The following MAD2L2 variants were observed in gnomAD, a reference collection of about 807,000 sequenced individuals.
MAD2L2 encodes mitotic arrest deficient 2 like 2, also known as mitotic spindle assembly checkpoint protein MAD2B.
MAD2L2 carries 17 observed loss-of-function variants against 30.5 expected under a neutral mutation model. That is an observed-to-expected ratio of 0.56 (90% CI 0.38 to 0.84). The LOEUF (loss-of-function observed/expected upper bound fraction) is 0.84, where lower values mean the gene tolerates loss of function less well. MAD2L2 is among the 40% of genes least tolerant of loss of function. MAD2L2 has a pLI of 0.00. For missense variants in MAD2L2, 213 were observed against 277.4 expected, an observed-to-expected ratio of 0.77 and a Z score of 1.65; for synonymous variants, 101 against 113.9, an observed-to-expected ratio of 0.89 and a Z score of 0.72.
rs1173410454 is a variant in MAD2L2 at position 11,688,358 on chromosome 1, G to A, written c.-692+3055C>T. Among the ~76,000 whole-genome samples the A allele has an allele frequency of 2.6e-5, 4 of 152,104 alleles. No homozygotes were observed. The highest frequency in any genetic ancestry group is 1.9e-4 in the East Asian group (1 of 5,188). ...GCGAATCACCTGAGGTCAGGATATC[G>A]AGACCATCCTGGCTAACATGGGGAA... On this transcript the variant is annotated intron_variant, in intron 1 of 10. Transcript: ENST00000235310. This position sits in a 1 kb window ranked among gnomAD's most constrained non-coding sequence, Gnocchi z 4.6.
Position 11,687,353 on chromosome 1 carries a change from C to T in MAD2L2, c.-692+4060G>A, listed in dbSNP as rs954272409. ...CTCCCCGATTCAAGCGATTCTCCTGCCTCAGCCTCCCGAGTAGCTGGGACT... is the reference window on the plus strand; with the variant it reads ...CTCCCCGATTCAAGCGATTCTCCTGTCTCAGCCTCCCGAGTAGCTGGGACT... On this transcript the variant is annotated intron_variant, in intron 1 of 10. Transcript: ENST00000235310. This position sits in a 1 kb window ranked among gnomAD's most constrained non-coding sequence, Gnocchi z 4.1. Among the ~76,000 whole-genome samples, 6 of 152,220 alleles carry T rather than the reference C, an allele frequency of 3.9e-5. No individual in the cohort carries two copies. Among genetic ancestry groups the T allele is most frequent in the Admixed American group, 3.9e-4 (6 of 15,282 alleles).
upstream of MAD2L2, among the ~76,000 whole-genome samples, chr1:11,685,902 T>C (rs914831141): frequency 6.6e-6 from 1 of 152,130 alleles, no homozygotes; most frequent in East Asian, 1.9e-4. Flanking sequence ...CAGTGAGCCA[T>C]GTTTGTACCA....
chr1:11,677,999 G>A (rs1281435281), intron 3 of MAD2L2, among the ~76,000 whole-genome samples: 1 of 149,684 alleles, frequency 6.7e-6, no homozygotes, highest in Non-Finnish European at 1.5e-5. Context: ...GGAGGTTGCA[G>A]TGAGCCGAGA....
In MAD2L2 at chr1:11,675,085, T is replaced by C; in HGVS notation, c.591A>G (p.Leu197=). The change falls in exon 8 of 9, where the codon TTA becomes TTG. Residue 197 remains leucine, a synonymous_variant. Transcript: ENST00000376692. ...IPLKTMTSDI[L]KMQLYVEERA... The stretch of plus-strand genomic sequence containing the variant: ...CCCGGGTCCCCACGAAGCTCACCTT[T>C]AAAATGTCCGACGTCATGGTTTTTA... The C allele has an allele frequency of 6.3e-7, 1 of 1,589,560 alleles. No individual in the cohort carries two copies. The highest frequency in any genetic ancestry group is 8.6e-7 in the Non-Finnish European group (1 of 1,167,654).
At chr1:11,684,101 A>G (rs1034547236), upstream of MAD2L2, among the ~76,000 whole-genome samples, 1 of 150,856 alleles carries the variant, frequency 6.6e-6, no homozygotes, top group African/African-American at 2.4e-5. Flanking sequence ...AAAAGGCTTC[A>G]GTCTCATTAG....
intron 3 of MAD2L2, among the ~76,000 whole-genome samples, chr1:11,678,961 C>T (rs986484397): frequency 2.6e-5 from 4 of 152,166 alleles, no homozygotes; most frequent in South Asian, 4.1e-4. Context: ...GTCAGGAGAT[C>T]GAGACCAGCC....
At chr1:11,677,477 C>T (rs1640790153) in intron 4 of MAD2L2, 66 bp downstream of exon 4, 1 of 1,469,936 alleles carries the variant, frequency 6.8e-7, no homozygotes, top group African/African-American at 1.4e-5. Context: ...CAGAGTTGGA[C>T]TGTGAGCACA....
At chr1:11,676,287 A>G (rs1640767902) in intron 5 of MAD2L2, 147 bp from the exon 6 acceptor site, 1 of 598,632 alleles carries the variant, frequency 1.7e-6, no homozygotes, top group Non-Finnish European at 3.0e-6. Flanking sequence ...TATCCGGTCC[A>G]CACAATTAAA....
At chr1:11,680,011 TTG>T (rs1318372558) in intron 3 of MAD2L2, among the ~76,000 whole-genome samples, 1,344 of 128,910 alleles carry the variant, frequency 0.01, 10 homozygotes, top group Non-Finnish European at 0.017. Flanking sequence ...TTTTTTTTTT[TTG>T]AGACGGAGTT....
intron 3 of MAD2L2, 36 bp downstream of exon 3, chr1:11,680,317 C>CCTGTACCCACT: frequency 6.4e-7 from 1 of 1,569,692 alleles, no homozygotes. Context: ...AAAAGTCCAC[C>CCTGTACCCACT]CTGTACCCAC....
Position 11,676,994 on chromosome 1 carries a change from G to A in MAD2L2, c.232-46C>T, listed in dbSNP as rs2294638. The A allele has an allele frequency of 5.0e-6, 7 of 1,403,928 alleles. No homozygotes were observed. In the East Asian group the frequency reaches 1.4e-4, roughly 27 times the overall value. The allele number at this position is 1,403,928 out of a possible 1,614,324, so 87.0% of individuals were successfully genotyped here. On this transcript the variant is annotated intron_variant, in intron 4 of 8. Transcript: ENST00000376692. ...ACTGCAGAGCCAGGCACCCCACCCC[G>A]ACTACACCACCCTGCCTCCACCCCC... is the stretch of plus-strand genomic sequence containing the variant.
chr1:11,676,045 C>A lies in MAD2L2; in HGVS notation c.427+1G>T. The A allele has an allele frequency of 6.2e-7, 1 of 1,612,768 alleles. No homozygotes were observed. Among genetic ancestry groups the A allele is most frequent in the Non-Finnish European group, 8.5e-7 (1 of 1,179,160 alleles). ...GAAGAGAGGGTGGGGAGTGGACACACCTGGGGGGTTGTGGTCCAGGACGGC... is the reference window on the plus strand; with the variant it reads ...GAAGAGAGGGTGGGGAGTGGACACAACTGGGGGGTTGTGGTCCAGGACGGC... On this transcript the variant is annotated splice_donor_variant, in intron 6 of 8. Transcript: ENST00000376692. LOFTEE classifies it high-confidence loss of function.
chr1:11,676,903 G>T lies in MAD2L2; in HGVS notation c.277C>A (p.Arg93Ser), dbSNP rs367637499. The T allele has an allele frequency of 4.3e-6, 7 of 1,614,084 alleles. No homozygotes were observed. Among genetic ancestry groups the T allele is most frequent in the Non-Finnish European group, 5.9e-6 (7 of 1,180,002 alleles). ...TCAAAGACGAATTTCTCCACTGGGC[G>T]GTGCTCTTTATCCAAAATCACCACC... ...VVVVILDKEH[R>S]PVEKFVFEIT... Residue 93 changes from arginine (R) to serine (S), a missense_variant, in exon 5 of 9, where the codon CGC (arginine) becomes AGC (serine). Arg to Ser is a moderately radical substitution (Grantham distance 110). Transcript: ENST00000376692.
chr1:11,678,985 G>A (rs937860187), intron 3 of MAD2L2, among the ~76,000 whole-genome samples: 1 of 152,086 alleles, frequency 6.6e-6, no homozygotes, highest in African/African-American at 2.4e-5. Context: ...CCAACACGGC[G>A]AAACCTTGTC....
upstream of MAD2L2, among the ~76,000 whole-genome samples, chr1:11,683,923 A>T (rs138560657): frequency 2.0e-3 from 304 of 152,306 alleles, 1 homozygote; most frequent in African/African-American, 6.8e-3. Flanking sequence ...GTGAGCCAAG[A>T]TCGCACCATT....
Position 11,676,936 on chromosome 1 carries a change from T to C in MAD2L2, c.244A>G (p.Lys82Glu). 6.2e-7 allele frequency: 1 copy of C among 1,613,752 alleles called. No individual in the cohort carries two copies. Among genetic ancestry groups the C allele is most frequent in the Non-Finnish European group, 8.5e-7 (1 of 1,179,788 alleles). The change falls in exon 5 of 9, where the codon AAA becomes GAA. Residue 82 changes from lysine to glutamate, a missense_variant. By Grantham distance (56) the Lys-to-Glu change is moderately conservative (BLOSUM62 1). Transcript: ENST00000376692. The stretch of plus-strand genomic sequence containing the variant: ...TTATCCAAAATCACCACCACCACTT[T>C]CTCCACATCATTCTGCAAAGAGAGG... ...KPLLEKNDVE[K>E]VVVVILDKEH...
At chr1:11,682,400 G>T (rs904107718), upstream of MAD2L2, among the ~76,000 whole-genome samples, 1 of 152,158 alleles carries the variant, frequency 6.6e-6, no homozygotes, top group African/African-American at 2.4e-5. Context: ...CACAGATCTA[G>T]CCAGACTTGT....
chr1:11,685,041 C>T (rs141777341), upstream of MAD2L2, among the ~76,000 whole-genome samples: 2,246 of 152,116 alleles, frequency 0.015, 52 homozygotes, highest in African/African-American at 0.052. Context: ...GATCCTCCTA[C>T]CTCAGCCTCT....
chr1:11,681,297 G>C (rs1557680611), upstream of MAD2L2: 1 of 152,260 alleles, frequency 6.6e-6, no homozygotes, highest in Non-Finnish European at 1.5e-5. Context: ...GCGTCCGGGA[G>C]GGGCTGAGAC....
Sources: gnomAD v4.1 joint callset for allele counts (sites outside exome capture counted in the v4.1 genomes callset) on GRCh38, gnomAD v4.1.1 for gene constraint, Gnocchi (gnomAD v3.1) non-coding constraint, MANE v1.5 for transcripts, NCBI Gene and HGNC (gene_info 2026-07-23, HGNC 2026-07-21) for gene names.